Variants in LRRC4C observed in about 807,000 individuals in gnomAD.
LRRC4C encodes the protein leucine-rich repeat-containing protein 4C.
Under a neutral mutation model 33.6 loss-of-function variants are expected in LRRC4C, and 5 were observed. The ratio of observed to expected loss-of-function variants is 0.15; its 90% confidence interval spans 0.08 to 0.31. The LOEUF is 0.31. LRRC4C is among the 10% of genes least tolerant of loss of function. The pLI is 1.00. For missense variants in LRRC4C, 560 were observed against 796.7 expected (o/e 0.70, Z 3.58); for synonymous variants, 329 against 302.0 (o/e 1.09, Z -0.93).
At chr11:40,807,372 C>G (rs142374188) in intron 2 of LRRC4C, among the ~76,000 whole-genome samples, 4 of 152,306 alleles carry the variant, frequency 2.6e-5, no homozygotes, top group African/African-American at 9.6e-5. Context: ...AATAGTAGGT[C>G]TAACCATGAA....
chr11:40,655,153 G>C (rs141081545), intron 2 of LRRC4C, among the ~76,000 whole-genome samples: 26 of 152,206 alleles, frequency 1.7e-4, no homozygotes, highest in African/African-American at 5.8e-4. Flanking sequence ...CATTTACCTA[G>C]TTATTTATTC....
At chr11:40,913,601 A>T (rs1956796672) in intron 2 of LRRC4C, among the ~76,000 whole-genome samples, 1 of 152,176 alleles carries the variant, frequency 6.6e-6, no homozygotes, top group South Asian at 2.1e-4. Context: ...AGCAGGAAAG[A>T]TCTAAAATTG....
intron 5 of LRRC4C, among the ~76,000 whole-genome samples, chr11:40,156,091 A>G (rs183365247): frequency 9.2e-5 from 14 of 152,300 alleles, no homozygotes; most frequent in African/African-American, 3.1e-4. Flanking sequence ...ACAGGATTAA[A>G]CACAAAAATC....
chr11:41,098,006 T>A (rs1940924876), intron 1 of LRRC4C, among the ~76,000 whole-genome samples: 1 of 151,430 alleles, frequency 6.6e-6, no homozygotes, highest in Non-Finnish European at 1.5e-5. Context: ...TTAAAAAAAA[T>A]TCCTTCCCTG....
At chr11:40,420,683 C>T (rs1324139594) in intron 3 of LRRC4C, among the ~76,000 whole-genome samples, 1 of 152,138 alleles carries the variant, frequency 6.6e-6, no homozygotes, top group Non-Finnish European at 1.5e-5. Context: ...GTAACATAAA[C>T]AACCTGAATG....
chr11:40,539,038 G>A (rs976419490), intron 3 of LRRC4C, among the ~76,000 whole-genome samples: 8 of 151,816 alleles, frequency 5.3e-5, no homozygotes, highest in African/African-American at 1.9e-4. Flanking sequence ...CTGGATATTA[G>A]CCCACTCTTT....
chr11:40,649,265 C>T (rs924713531), intron 2 of LRRC4C, among the ~76,000 whole-genome samples: 1 of 152,148 alleles, frequency 6.6e-6, no homozygotes, highest in Non-Finnish European at 1.5e-5. Flanking sequence ...GTCCTTATCT[C>T]AACCACATAA....
intron 2 of LRRC4C, among the ~76,000 whole-genome samples, chr11:40,927,885 C>A (rs1957463177): frequency 6.6e-6 from 1 of 152,132 alleles, no homozygotes; most frequent in South Asian, 2.1e-4. Flanking sequence ...GTATATCAGA[C>A]TACCACGTAT....
chr11:40,631,533 C>A (rs1030992438), intron 3 of LRRC4C, among the ~76,000 whole-genome samples: 1 of 141,420 alleles, frequency 7.1e-6, no homozygotes, highest in Non-Finnish European at 1.5e-5. Context: ...CTCTGTTGCT[C>A]TTTACCCCAA....
At chr11:40,285,838 A>G (rs1943797816) in intron 4 of LRRC4C, among the ~76,000 whole-genome samples, 1 of 152,182 alleles carries the variant, frequency 6.6e-6, no homozygotes, top group Admixed American at 6.6e-5. Flanking sequence ...GTTTGACTTT[A>G]CTGATTCTGA....
intron 3 of LRRC4C, among the ~76,000 whole-genome samples, chr11:40,388,137 C>G (rs1187226779): frequency 6.6e-6 from 1 of 152,026 alleles, no homozygotes; most frequent in African/African-American, 2.4e-5. Flanking sequence ...CTTATTTAAC[C>G]TTCGTTTGGA....
At chr11:41,448,118 G>T (rs1350164225) in intron 1 of LRRC4C, among the ~76,000 whole-genome samples, 5 of 28,656 alleles carry the variant, frequency 1.7e-4, no homozygotes, top group Non-Finnish European at 3.5e-4. Flanking sequence ...TGCTGCACAC[G>T]TCTGTTTTTT....
At chr11:41,164,260 G>A (rs1185088593) in intron 1 of LRRC4C, among the ~76,000 whole-genome samples, 2 of 142,854 alleles carry the variant, frequency 1.4e-5, no homozygotes, top group South Asian at 4.5e-4. Context: ...AGCCTAGGTT[G>A]ACAGAGGGTC....
intron 1 of LRRC4C, among the ~76,000 whole-genome samples, chr11:41,452,321 A>G (rs1016498036): frequency 6.6e-6 from 1 of 152,150 alleles, no homozygotes; most frequent in African/African-American, 2.4e-5. Context: ...GTAACTTATT[A>G]TCAAATATTC....
At chr11:40,815,489 T>C (rs932716755) in intron 2 of LRRC4C, among the ~76,000 whole-genome samples, 6 of 152,196 alleles carry the variant, frequency 3.9e-5, no homozygotes, top group Non-Finnish European at 7.3e-5. Context: ...AATTCTCTTT[T>C]GAAGTCAGTA....
At chr11:40,808,326 G>C (rs1285383220) in intron 2 of LRRC4C, among the ~76,000 whole-genome samples, 1 of 151,880 alleles carries the variant, frequency 6.6e-6, no homozygotes, top group Non-Finnish European at 1.5e-5. Context: ...AGCACTTTCA[G>C]AAATACATGT....
intron 3 of LRRC4C, among the ~76,000 whole-genome samples, chr11:40,358,115 A>T (rs748314828): frequency 1.3e-4 from 20 of 152,032 alleles, no homozygotes; most frequent in Admixed American, 7.2e-4. Flanking sequence ...CCCGGGAGGC[A>T]GAGCTTGCAG....
intron 4 of LRRC4C, among the ~76,000 whole-genome samples, chr11:40,263,261 G>A (rs1461388098): frequency 6.6e-6 from 1 of 152,038 alleles, no homozygotes; most frequent in Non-Finnish European, 1.5e-5. Flanking sequence ...ATGGGACATG[G>A]GACCAGTGAT....
At chr11:40,309,180 C>A (rs981854752) in intron 4 of LRRC4C, among the ~76,000 whole-genome samples, 5 of 152,160 alleles carry the variant, frequency 3.3e-5, no homozygotes, top group African/African-American at 1.2e-4. Flanking sequence ...ATTCTCAAGT[C>A]CTCACCCTGC....
Sources: allele counts gnomAD v4.1 joint callset (sites outside exome capture counted in the v4.1 genomes callset), GRCh38; gene constraint gnomAD v4.1.1; transcripts MANE v1.5; gene names NCBI Gene and HGNC (gene_info 2026-07-23, HGNC 2026-07-21).